HDAC9: variants seen among roughly 807,000 people sequenced by gnomAD.
The protein encoded by HDAC9 is MEF-2 interacting transcription repressor (MITR) protein.
HDAC9 carries 41 observed loss-of-function variants against 139.4 expected under a neutral mutation model. That is an observed-to-expected ratio of 0.29 (90% CI 0.23 to 0.38). The LOEUF (loss-of-function observed/expected upper bound fraction) is 0.38. HDAC9 is among the 10% of genes least tolerant of loss of function. The pLI is 1.00. For missense variants in HDAC9, 1,147 were observed against 1,297.0 expected (o/e 0.88, Z 1.78); for synonymous variants, 517 against 476.2 (o/e 1.09, Z -1.12).
At chr7:18,857,373 A>G (rs766736460) in intron 21 of HDAC9, among the ~76,000 whole-genome samples, 20 of 100,612 alleles carry the variant, frequency 2.0e-4, no homozygotes, top group Admixed American at 7.0e-4. Context: ...GTATGTATGT[A>G]TGTACTAGTT....
chr7:18,147,893 G>T (rs1185713584), intron 1 of HDAC9, among the ~76,000 whole-genome samples: 2 of 152,026 alleles, frequency 1.3e-5, no homozygotes, highest in African/African-American at 2.4e-5. Flanking sequence ...AAGTATTGAG[G>T]TGTATCCATT....
intron 16 of HDAC9, among the ~76,000 whole-genome samples, chr7:18,784,349 T>G (rs1791510428): frequency 6.6e-6 from 1 of 151,768 alleles, no homozygotes; most frequent in African/African-American, 2.4e-5. Flanking sequence ...AGTAGCTGGG[T>G]CTGTAGGCAC....
chr7:18,183,018 T>A (rs1789581873), intron 2 of HDAC9, among the ~76,000 whole-genome samples: 1 of 151,608 alleles, frequency 6.6e-6, no homozygotes, highest in African/African-American at 2.4e-5. Flanking sequence ...ATGATTTTTT[T>A]TTTTTTTTTG....
In HDAC9 at chr7:18,197,599, G is replaced by A. The variant is rs566063997; in HGVS notation, c.25+35250G>A. ...GAGAGACAAGCATAGGCAAGGATTT[G>A]ACTGAGGTTCTTCAGGTGGGAATTA... is the stretch of plus-strand genomic sequence containing the variant. On this transcript the variant is annotated intron_variant, in intron 2 of 12. Coordinates refer to the HDAC9 transcript ENST00000417496. Among the ~76,000 whole-genome samples the A allele has an allele frequency of 4.6e-5, 7 of 152,218 alleles. 1 individual carries two copies. Among genetic ancestry groups the A allele is most frequent in the African/African-American group, 1.4e-4 (6 of 41,540 alleles).
At chr7:18,407,190 C>T (rs1788094463) in intron 1 of HDAC9, among the ~76,000 whole-genome samples, 1 of 152,096 alleles carries the variant, frequency 6.6e-6, no homozygotes, top group Non-Finnish European at 1.5e-5. Context: ...GAGAGGATTC[C>T]ACTTTCCTAA....
chr7:18,585,239 T>C, intron 2 of HDAC9, 42 bp from the exon 3 acceptor site: 1 of 1,598,082 alleles, frequency 6.3e-7, no homozygotes. Flanking sequence ...AATCTTCTAT[T>C]ACCCTCCCCC....
chr7:18,949,269 T>C (rs200406201), intron 23 of HDAC9: 4 of 162,002 alleles, frequency 2.5e-5, no homozygotes, highest in African/African-American at 5.6e-5. Flanking sequence ...TCATCATCAT[T>C]ATCTTCATTA....
At chr7:18,396,733 C>G (rs1787098705) in intron 1 of HDAC9, among the ~76,000 whole-genome samples, 1 of 152,006 alleles carries the variant, frequency 6.6e-6, no homozygotes, top group Admixed American at 6.6e-5. Flanking sequence ...TGTGTTTAGC[C>G]AATATATTAA....
intron 2 of HDAC9, among the ~76,000 whole-genome samples, chr7:18,503,616 A>C (rs1798978987): frequency 6.6e-6 from 1 of 152,182 alleles, no homozygotes; most frequent in Admixed American, 6.6e-5. Flanking sequence ...AATACCCATT[A>C]ATTAAATCCA....
intron 1 of HDAC9, among the ~76,000 whole-genome samples, chr7:18,111,783 A>G (rs1008416339): frequency 6.6e-6 from 1 of 152,200 alleles, no homozygotes; most frequent in Admixed American, 6.5e-5. Context: ...GTGTATGGAA[A>G]GGGTTGGGAA....
intron 1 of HDAC9, among the ~76,000 whole-genome samples, chr7:18,404,836 AAAAG>A (rs1419289043): frequency 1.4e-4 from 21 of 152,352 alleles, no homozygotes; most frequent in Non-Finnish European, 1.5e-5. Flanking sequence ...GAAATGTATA[AAAAG>A]AAAGATTAAT....
At chr7:18,899,534 A>G (rs1056778353) in intron 22 of HDAC9, 3 of 152,064 alleles carry the variant, frequency 2.0e-5, no homozygotes, top group African/African-American at 7.2e-5. Context: ...CAAAAATTTT[A>G]TAGATTCAGA....
At chr7:18,553,991 G>A (rs1586985298) in intron 2 of HDAC9, among the ~76,000 whole-genome samples, 1 of 152,142 alleles carries the variant, frequency 6.6e-6, no homozygotes, top group African/African-American at 2.4e-5. Context: ...TTCTTTTCTT[G>A]TATGGAAATG....
rs1422049690 is a variant in HDAC9 at position 18,522,843 on chromosome 7, T to C, written c.22+26519T>C. ...TCCTCTTTGTAGGTGGTAAAAATCA[T>C]TTAACAAGTGAGGAAACTGAGCTCA... On this transcript the variant is annotated intron_variant, in intron 2 of 25. Coordinates refer to ENST00000686413, the MANE Select transcript of HDAC9 (RefSeq NM_178425.4). 3.3e-5 allele frequency among the ~76,000 whole-genome samples: 5 copies of C among 152,192 alleles called. No individual in the cohort carries two copies. In the East Asian group the frequency reaches 7.7e-4, roughly 23 times the overall value.
intron 1 of HDAC9, among the ~76,000 whole-genome samples, chr7:18,107,461 G>A (rs1230366945): frequency 6.6e-6 from 1 of 152,076 alleles, no homozygotes; most frequent in African/African-American, 2.4e-5. Context: ...TTTAAGAAAT[G>A]CCTAATTAGA....
intron 13 of HDAC9, among the ~76,000 whole-genome samples, chr7:18,733,017 G>A (rs1261206889): frequency 7.0e-6 from 1 of 142,390 alleles, no homozygotes; most frequent in South Asian, 2.1e-4. Flanking sequence ...ATGTGTATGT[G>A]TGTATATATG....
At chr7:18,476,816 T>A (rs577791128) in intron 1 of HDAC9, among the ~76,000 whole-genome samples, 50 of 152,318 alleles carry the variant, frequency 3.3e-4, no homozygotes, top group Middle Eastern at 3.4e-3. Context: ...AACAACTAAG[T>A]TCTGGCTCCA....
chr7:18,617,882 A>G (rs1226831831), intron 6 of HDAC9, among the ~76,000 whole-genome samples: 1 of 152,204 alleles, frequency 6.6e-6, no homozygotes, highest in Non-Finnish European at 1.5e-5. Flanking sequence ...AATTTTTAAG[A>G]ATTTAATTTG....
chr7:18,310,289 A>G (rs1562864424), intron 1 of HDAC9, among the ~76,000 whole-genome samples: 2 of 152,212 alleles, frequency 1.3e-5, no homozygotes, highest in African/African-American at 4.8e-5. Flanking sequence ...CTGTGACTAC[A>G]CGGTTTTGAA....
Sources: allele counts gnomAD v4.1 joint callset (sites outside exome capture counted in the v4.1 genomes callset), GRCh38; gene constraint gnomAD v4.1.1; transcripts MANE v1.5; gene names NCBI Gene and HGNC (gene_info 2026-07-23, HGNC 2026-07-21).